The following LMF2 variants were observed in gnomAD, a reference collection of about 807,000 sequenced individuals.
The protein encoded by LMF2 is lipase maturation factor 2.
A neutral mutation model predicts 81.5 loss-of-function variants in LMF2; 113 were observed. The ratio of observed to expected loss-of-function variants is 1.39; its 90% confidence interval spans 1.19 to 1.62. The LOEUF is 1.62. Ranked by LOEUF, LMF2 falls within the 40% of genes most tolerant of loss-of-function variation. LMF2 has a pLI of 0.00. For synonymous variants in LMF2, 645 were observed against 424.5 expected, an observed-to-expected ratio of 1.52 and a Z score of -6.39; for missense variants, 1,235 against 929.1, an observed-to-expected ratio of 1.33 and a Z score of -4.28.
Position 50,503,125 on chromosome 22 carries a change from A to C in LMF2, c.*266T>G. Reference sequence around the variant, plus strand: ...GACTCAGACCCCCACAGCCCAGGGCAGGGGAAGGGTCTTGAGCTTGGTCGT... The same window carrying C: ...GACTCAGACCCCCACAGCCCAGGGCCGGGGAAGGGTCTTGAGCTTGGTCGT... On this transcript the variant is annotated 3_prime_UTR_variant, in exon 14 of 14. Coordinates refer to ENST00000474879, the MANE Select transcript of LMF2 (RefSeq NM_033200.3). The C allele has an allele frequency of 2.1e-6, 1 of 465,204 alleles. No individual in the cohort carries two copies. The highest frequency in any genetic ancestry group is 2.1e-5 in the African/African-American group (1 of 48,356). The allele number at this position is 465,204 out of a possible 1,614,324, so 28.8% of individuals were successfully genotyped here.
At position 50,503,086 on chromosome 22, in the gene LMF2, G is replaced by A. The variant is rs1481465182; in HGVS notation, c.*305C>T. The A allele has an allele frequency of 2.6e-6, 1 of 385,682 alleles. No individual in the cohort carries two copies. The highest frequency in any genetic ancestry group is 4.7e-6 in the Non-Finnish European group (1 of 214,348). 23.9% of individuals were successfully genotyped at this position (385,682 alleles called of 1,614,324 possible). ...TCTTCCCCTCTGGCACGGGGCCTAGGGTTGGGGGCTCTAGACTCAGACCCC... is the reference window on the plus strand; with the variant it reads ...TCTTCCCCTCTGGCACGGGGCCTAGAGTTGGGGGCTCTAGACTCAGACCCC... On this transcript the variant is annotated 3_prime_UTR_variant, in exon 14 of 14. Coordinates refer to ENST00000474879, the MANE Select transcript of LMF2 (RefSeq NM_033200.3).
rs1399421412 is a variant in LMF2, at chr22:50,503,655, G to A, written c.1860C>T (p.Ala620=). Residue 620 remains alanine, a synonymous_variant, in exon 14 of 14, where the codon GCC becomes GCT. Coordinates refer to ENST00000474879, the MANE Select transcript of LMF2 (RefSeq NM_033200.3). Reference sequence around the variant, plus strand: ...GAGAGCGAGTCCAGTGGAGGGCCTGGGCCAGGGTGCTGTTGGCGCTGCGGG... The same window carrying A: ...GAGAGCGAGTCCAGTGGAGGGCCTGAGCCAGGGTGCTGTTGGCGCTGCGGG... ...PRTRSANSTL[A]QALHWTRSQL... 1.3e-6 allele frequency: 2 copies of A among 1,595,158 alleles called. No homozygotes were observed. The highest frequency in any genetic ancestry group is 1.7e-6 in the Non-Finnish European group (2 of 1,173,752).
chr22:50,506,758 G>C (rs929270643), intron 2 of LMF2, 24 bp downstream of exon 2: 1 of 1,612,568 alleles, frequency 6.2e-7, no homozygotes, highest in Middle Eastern at 1.7e-4. Context: ...GAGATAGAGT[G>C]AGCTGGTCAC....
Position 50,505,405 on chromosome 22 carries a change from G to T in LMF2, c.1049C>A (p.Thr350Asn), listed in dbSNP as rs779939588. ...GGCCCCCCCAGGTCGGCACTCACTGGTTCTGGAGTGGATGGTGCGCTGCTG... is the reference window on the plus strand; with the variant it reads ...GGCCCCCCCAGGTCGGCACTCACTGTTTCTGGAGTGGATGGTGCGCTGCTG... ...DWQQRTIHSR[T>N]TFTFHQFSQW... The change falls in exon 7 of 14, where the codon ACC becomes AAC. Residue 350 changes from threonine to asparagine, a missense_variant and splice_region_variant. By Grantham distance (65) the Thr-to-Asn change is moderately conservative. Transcript: ENST00000474879. The T allele has an allele frequency of 1.3e-5, 21 of 1,613,222 alleles. No individual in the cohort carries two copies. The highest frequency in any genetic ancestry group is 1.8e-5 in the Non-Finnish European group (21 of 1,180,028).
rs904717894 is a variant in LMF2, at chr22:50,503,881, AC to A, written c.1741del (p.Val581TrpfsTer76). The A allele has an allele frequency of 6.2e-6, 10 of 1,605,100 alleles. No homozygotes were observed. Among genetic ancestry groups the A allele is most frequent in the Admixed American group, 1.7e-5 (1 of 59,936 alleles). On this transcript the variant is annotated frameshift_variant, in exon 13 of 14. Transcript: ENST00000474879. LOFTEE classifies it high-confidence loss of function. ...EQGQWWRRQW[V>X]EEFFPSVSLG... ...GGACACGGATGGGAAGAACTCCTCCACCCACTGGCGCCGCCACCACTGGCTG... is the reference window on the plus strand; with the variant it reads ...GGACACGGATGGGAAGAACTCCTCCACCACTGGCGCCGCCACCACTGGCTG...
At chr22:50,507,502 G>A in intron 1 of LMF2, 80 bp downstream of exon 1, 2 of 1,130,574 alleles carry the variant, frequency 1.8e-6, no homozygotes, top group Admixed American at 2.0e-5. Flanking sequence ...ACCCCGGACT[G>A]CGTGAGTGCC....
At position 50,506,127 on chromosome 22, in the gene LMF2, T is replaced by C. The variant is rs1445190959; in HGVS notation, c.682A>G (p.Ser228Gly). The change falls in exon 5 of 14, where the codon AGC becomes GGC. Residue 228 changes from serine to glycine, a missense_variant. Transcript: ENST00000474879. ...TCAATTAGGAAGGTGGCCACCACGC[T>C]GAGCTTGTGCAGCCAGACCGGCAGG... ...HHLPVWLHKLSVVATFLIEIA... is the reference protein window; with the variant it reads ...HHLPVWLHKLGVVATFLIEIA... 6.3e-7 allele frequency: 1 copy of C among 1,580,316 alleles called. No individual in the cohort carries two copies. Among genetic ancestry groups the C allele is most frequent in the Non-Finnish European group, 8.6e-7 (1 of 1,163,246 alleles).
rs763302805 is a variant in LMF2 at position 50,504,867 on chromosome 22, T to C, written c.1372A>G (p.Met458Val). 14 of 1,611,086 alleles carry C rather than the reference T, an allele frequency of 8.7e-6. No homozygotes were observed. Among genetic ancestry groups the C allele is most frequent in the African/African-American group, 4.0e-5 (3 of 74,866 alleles). ...TCAGGCCGTCCACCAAGCCCAGTCA[T>C]GCGGCGGAAGAGGCCGTAGGAGTTG... ...LANSYGLFRR[M>V]TGLGGRPEVV... The change falls in exon 10 of 14, where the codon ATG becomes GTG. Residue 458 changes from methionine to valine, a missense_variant. Physicochemically the swap from Met to Val is conservative, Grantham distance 21 (BLOSUM62 1). Transcript: ENST00000474879.
Position 50,504,705 on chromosome 22 carries a change from G to C in LMF2, c.1460C>G (p.Pro487Arg), listed in dbSNP as rs2068509134. The part of the protein sequence containing the change: ...HWTEIEFMYK[P>R]GNLSRPPPVV... ...CGGGGGCGGCCGGCTCAGGTTCCCA[G>C]GCTTGTACATGAACTCGATCTCCTG... Residue 487 changes from proline (P) to arginine (R), a missense_variant, in exon 11 of 14, where the codon CCT becomes CGT. Transcript: ENST00000474879. 1 of 1,610,088 alleles carries C rather than the reference G, an allele frequency of 6.2e-7. No homozygotes were observed. The highest frequency in any genetic ancestry group is 1.3e-5 in the African/African-American group (1 of 74,876).
At chr22:50,504,750 CT>C in intron 10 of LMF2, 23 bp from the exon 11 acceptor site, 1 of 1,607,760 alleles carries the variant, frequency 6.2e-7, no homozygotes. Context: ...CCGAGGTCAG[CT>C]GGGCCCGCTG....
Position 50,503,185 on chromosome 22 carries a change from G to A in LMF2, c.*206C>T. On this transcript the variant is annotated 3_prime_UTR_variant, in exon 14 of 14. Transcript: ENST00000474879. Reference sequence around the variant, plus strand: ...CTGGGCCAATCACAGAGGCAATAGTGGGAGTCCTGGGGAGGGGCATGGCTG... The same window carrying A: ...CTGGGCCAATCACAGAGGCAATAGTAGGAGTCCTGGGGAGGGGCATGGCTG... The A allele has an allele frequency of 1.8e-6, 1 of 548,348 alleles. No homozygotes were observed. Among genetic ancestry groups the A allele is most frequent in the Non-Finnish European group, 3.2e-6 (1 of 316,120 alleles). 34.0% of individuals were successfully genotyped at this position (548,348 alleles called of 1,614,324 possible).
At position 50,503,322 on chromosome 22, in the gene LMF2, T is replaced by C. The variant is rs1315996990; in HGVS notation, c.*69A>G. On this transcript the variant is annotated 3_prime_UTR_variant, in exon 14 of 14. Transcript: ENST00000474879. ...CAGCTAAGGCACAGTGGCTGGGTCC[T>C]GTCCTGCCGGAGGCCAGAGCACTCC... The C allele has an allele frequency of 5.2e-6, 8 of 1,539,282 alleles. No individual in the cohort carries two copies. Among genetic ancestry groups the C allele is most frequent in the African/African-American group, 4.1e-5 (3 of 73,050 alleles).
chr22:50,505,657 G>A lies in LMF2; in HGVS notation c.916+17C>T, dbSNP rs780637788. 18 of 1,612,458 alleles carry A rather than the reference G, an allele frequency of 1.1e-5. No homozygotes were observed. In the Middle Eastern group the frequency reaches 1.3e-3, roughly 118 times the overall value. ...AGAACCCCTGGGAGGGCAGGGGGCT[G>A]GACAAGTGACACGCACAGGTGGCCG... On this transcript the variant is annotated intron_variant, in intron 6 of 13. Coordinates refer to ENST00000474879, the MANE Select transcript of LMF2 (RefSeq NM_033200.3).
chr22:50,504,813 G>T lies in LMF2; in HGVS notation c.1426C>A (p.His476Asn). 1 of 1,606,318 alleles carries T rather than the reference G, an allele frequency of 6.2e-7. No individual in the cohort carries two copies. The change falls in exon 10 of 14, where the codon CAC (histidine) becomes AAC (asparagine). Residue 476 changes from histidine to asparagine, a missense_variant. His to Asn is a moderately conservative substitution (Grantham distance 68). Coordinates refer to ENST00000474879, the MANE Select transcript of LMF2 (RefSeq NM_033200.3). ...CTGGGAGGGCTCACCGTCCAGTGGT[G>T]GCCGTCGTAACTGCCCTCCAGCACC... ...EVVLEGSYDGHHWTEIEFMYK... is the reference protein window; with the variant it reads ...EVVLEGSYDGNHWTEIEFMYK...
At chr22:50,506,712 A>G (rs757075753) in intron 2 of LMF2, 46 bp from the exon 3 acceptor site, 3 of 1,613,192 alleles carry the variant, frequency 1.9e-6, no homozygotes, top group African/African-American at 1.3e-5. Context: ...CTGTGGACTC[A>G]GGTAAGGTAG....
At position 50,505,296 on chromosome 22, in the gene LMF2, G is replaced by C. The variant is rs747131706; in HGVS notation, c.1090C>G (p.Leu364Val). 2.5e-6 allele frequency: 4 copies of C among 1,613,336 alleles called. No individual in the cohort carries two copies. The highest frequency in any genetic ancestry group is 1.1e-5 in the South Asian group (1 of 91,092). The change falls in exon 8 of 14, where the codon CTG (leucine) becomes GTG (valine). Residue 364 changes from leucine to valine, a missense_variant. Transcript: ENST00000474879. ...FHQFSQWLKT[L>V]TLPTVWLGVA... ...CCCAGCCACACAGTGGGCAGCGTCA[G>C]TGTCTTCAGCCACTGAGAAAACTGG...
In LMF2 at chr22:50,503,381, G is replaced by C. The variant is rs760926769; in HGVS notation, c.*10C>G. On this transcript the variant is annotated 3_prime_UTR_variant, in exon 14 of 14. Coordinates refer to ENST00000474879, the MANE Select transcript of LMF2 (RefSeq NM_033200.3). The stretch of plus-strand genomic sequence containing the variant: ...TGGCCCTCTCAGGACGTGCAGCTGG[G>C]AGAACACAGCTACTTCTTTCGCCGG... 6.2e-7 allele frequency: 1 copy of C among 1,610,982 alleles called. No homozygotes were observed. The highest frequency in any genetic ancestry group is 1.7e-5 in the Admixed American group (1 of 59,516).
At position 50,506,373 on chromosome 22, in the gene LMF2, C is replaced by A. The variant is rs1443957124; in HGVS notation, c.507G>T (p.Trp169Cys). ...GGCGGAACAGCAGCCATCGCACCAG[C>A]CAGAAGGGGAGGTCTTCGTGGGGCA... ...GALPHEDLPF[W>C]LVRWLLFRLM... The change falls in exon 4 of 14, where the codon TGG (tryptophan) becomes TGT (cysteine). Residue 169 changes from tryptophan to cysteine, a missense_variant. Coordinates refer to ENST00000474879, the MANE Select transcript of LMF2 (RefSeq NM_033200.3). 6.5e-7 allele frequency: 1 copy of A among 1,549,862 alleles called. No homozygotes were observed. The highest frequency in any genetic ancestry group is 8.7e-7 in the Non-Finnish European group (1 of 1,147,104).
chr22:50,506,976 C>A lies in LMF2; in HGVS notation c.154G>T (p.Gly52Trp). Residue 52 changes from glycine to tryptophan, a missense_variant, in exon 2 of 14, where the codon GGG (glycine) becomes TGG (tryptophan). Gly to Trp is a radical substitution (Grantham distance 184). Transcript: ENST00000474879. ...GTCTCCCACAGCTGCTGCCAGCGCC[C>A]CTTGCCCTGAGGCCGCAGCGTCCTC... is the stretch of plus-strand genomic sequence containing the variant. ...ARRTLRPQGK[G>W]RWQQLWETPT... 6.3e-7 allele frequency: 1 copy of A among 1,592,356 alleles called. No individual in the cohort carries two copies. The highest frequency in any genetic ancestry group is 1.1e-5 in the South Asian group (1 of 89,536).
Sources: allele counts gnomAD v4.1 joint callset, GRCh38; gene constraint gnomAD v4.1.1; transcripts MANE v1.5; gene names NCBI Gene and HGNC (gene_info 2026-07-23, HGNC 2026-07-21).